NELL1: variants seen among roughly 807,000 people sequenced by gnomAD.
NELL1 encodes the protein neural EGFL like 1.
A neutral mutation model predicts 107.4 loss-of-function variants in NELL1; 76 were observed. That is an observed-to-expected ratio of 0.71 (90% CI 0.59 to 0.86). The LOEUF (loss-of-function observed/expected upper bound fraction) is 0.86, where lower values mean the gene tolerates loss of function less well. Among genes scored for constraint, NELL1 ranks in the 40% least tolerant of loss-of-function variants. NELL1 has a pLI of 0.00. For synonymous variants in NELL1, 353 were observed against 341.2 expected, an observed-to-expected ratio of 1.03 and a Z score of -0.38; for missense variants, 1,024 against 1,005.5, an observed-to-expected ratio of 1.02 and a Z score of -0.25.
chr11:20,974,772 A>G (rs1014607010), intron 12 of NELL1, among the ~76,000 whole-genome samples: 3 of 152,180 alleles, frequency 2.0e-5, no homozygotes, highest in Admixed American at 2.0e-4. Context: ...AGGCTTCAGT[A>G]TCTCTATTGG....
At chr11:20,871,153 T>A (rs1242143829) in intron 4 of NELL1, among the ~76,000 whole-genome samples, 1 of 152,208 alleles carries the variant, frequency 6.6e-6, no homozygotes, top group Non-Finnish European at 1.5e-5. Flanking sequence ...GCCCTTAATA[T>A]ATTAATTAAT....
intron 15 of NELL1, among the ~76,000 whole-genome samples, chr11:21,452,283 T>A (rs1291679190): frequency 6.6e-6 from 1 of 152,138 alleles, no homozygotes; most frequent in African/African-American, 2.4e-5. Flanking sequence ...CTGTCTGGTG[T>A]CTAATGTCTT....
At chr11:21,420,047 TGTGG>T (rs1360613390) in intron 15 of NELL1, among the ~76,000 whole-genome samples, 3 of 152,072 alleles carry the variant, frequency 2.0e-5, no homozygotes, top group Non-Finnish European at 4.4e-5. Context: ...TAGAGGTGCG[TGTGG>T]GTGTGTGTGT....
intron 2 of NELL1, among the ~76,000 whole-genome samples, chr11:20,755,558 T>TTTTTTTTTTA (rs1267991719): frequency 6.1e-5 from 1 of 16,432 alleles, no homozygotes; most frequent in African/African-American, 1.1e-4. Context: ...TTGTTTTTGT[T>TTTTTTTTTTA]TTTGTTTTTT....
chr11:20,691,270 T>C (rs1019025892), intron 2 of NELL1, among the ~76,000 whole-genome samples: 1 of 151,688 alleles, frequency 6.6e-6, no homozygotes, highest in Non-Finnish European at 1.5e-5. Flanking sequence ...TTGAATACCC[T>C]TTATTTCCTT....
intron 9 of NELL1, among the ~76,000 whole-genome samples, chr11:20,936,394 C>A (rs1223585228): frequency 1.3e-5 from 2 of 152,190 alleles, no homozygotes; most frequent in Non-Finnish European, 2.9e-5. Flanking sequence ...CCATGTACCA[C>A]AGCATCCACT....
chr11:21,413,086 A>G (rs1211913782), intron 15 of NELL1, among the ~76,000 whole-genome samples: 2 of 152,130 alleles, frequency 1.3e-5, no homozygotes, highest in Non-Finnish European at 2.9e-5. Context: ...GAGAAACTTT[A>G]TTAAACAACA....
At chr11:20,977,800 A>G (rs1851668753) in intron 12 of NELL1, among the ~76,000 whole-genome samples, 1 of 152,190 alleles carries the variant, frequency 6.6e-6, no homozygotes, top group Admixed American at 6.5e-5. Context: ...AAGTGAATAA[A>G]TAAATCCTAG....
intron 2 of NELL1, among the ~76,000 whole-genome samples, chr11:20,751,622 A>G (rs1383068303): frequency 6.7e-6 from 1 of 150,058 alleles, no homozygotes; most frequent in African/African-American, 2.5e-5. Context: ...GACTACAGAC[A>G]CATGCCACCA....
intron 2 of NELL1, among the ~76,000 whole-genome samples, chr11:20,771,785 C>T (rs181493847): frequency 7.9e-5 from 12 of 152,212 alleles, no homozygotes; most frequent in African/African-American, 1.9e-4. Context: ...TTTTTGCCCG[C>T]GGAGCCACAG....
At position 20,968,658 on chromosome 11, in the gene NELL1, A is replaced by G. The variant is rs148434091; in HGVS notation, c.1300+8098A>G. ...TAAAAAGATAATGGTTTTTCAAAAA[A>G]TCATTTTATCAGCTGTTTATAGAAA... On this transcript the variant is annotated intron_variant, in intron 12 of 19. Transcript: ENST00000357134. 5.7e-3 allele frequency among the ~76,000 whole-genome samples: 866 copies of G among 152,348 alleles called. 12 individuals carry two copies. Among genetic ancestry groups the G allele is most frequent in the African/African-American group, 0.02 (822 of 41,584 alleles).
intron 13 of NELL1, among the ~76,000 whole-genome samples, chr11:21,136,180 G>T (rs1855739928): frequency 6.6e-6 from 1 of 152,154 alleles, no homozygotes; most frequent in African/African-American, 2.4e-5. Flanking sequence ...GCCCTGAAAA[G>T]TTCTGTGAGA....
chr11:20,957,397 G>C (rs568843832), intron 11 of NELL1, among the ~76,000 whole-genome samples: 2 of 152,228 alleles, frequency 1.3e-5, no homozygotes, highest in South Asian at 4.1e-4. Context: ...AGTTCCCTCA[G>C]ACCCCTGACA....
Position 21,178,815 on chromosome 11 carries a change from A to T in NELL1, c.1427-50517A>T, listed in dbSNP as rs192514675. On this transcript the variant is annotated intron_variant, in intron 13 of 19. Coordinates refer to ENST00000357134, the MANE Select transcript of NELL1 (RefSeq NM_006157.5). ...GGTGCATTTAGTTAAATAAAATTTT[A>T]AAAAAGATTCAACTTAAAGGATATT... 2.2e-3 allele frequency among the ~76,000 whole-genome samples: 332 copies of T among 151,904 alleles called. 8 individuals are homozygous for T. The highest frequency in any genetic ancestry group is 7.7e-3 in the African/African-American group (319 of 41,196).
At chr11:21,212,693 A>C (rs1305476032) in intron 13 of NELL1, among the ~76,000 whole-genome samples, 2 of 152,174 alleles carry the variant, frequency 1.3e-5, no homozygotes, top group African/African-American at 2.4e-5. Flanking sequence ...GCAGCCCATC[A>C]GGGAACTGGA....
intron 15 of NELL1, among the ~76,000 whole-genome samples, chr11:21,528,744 C>G (rs1855922770): frequency 6.6e-6 from 1 of 152,134 alleles, no homozygotes; most frequent in Non-Finnish European, 1.5e-5. Flanking sequence ...AGATAAATAA[C>G]TTGCTCAAAG....
intron 12 of NELL1, among the ~76,000 whole-genome samples, chr11:21,017,165 G>A (rs1326144675): frequency 1.3e-5 from 2 of 152,006 alleles, no homozygotes; most frequent in South Asian, 2.1e-4. Flanking sequence ...AGCCAATGAC[G>A]GGCACTGGCA....
At chr11:21,129,053 A>T (rs1469512686) in intron 13 of NELL1, among the ~76,000 whole-genome samples, 1 of 152,128 alleles carries the variant, frequency 6.6e-6, no homozygotes, top group Admixed American at 6.5e-5. Flanking sequence ...TTTTATTTTG[A>T]CTATTCTTCT....
At chr11:20,822,280 G>A (rs1281766256) in intron 3 of NELL1, among the ~76,000 whole-genome samples, 13 of 152,210 alleles carry the variant, frequency 8.5e-5, no homozygotes, top group African/African-American at 2.9e-4. Flanking sequence ...TCAGGACTCA[G>A]AGAGCACTTG....
Sources: allele counts gnomAD v4.1 joint callset (sites outside exome capture counted in the v4.1 genomes callset), GRCh38; gene constraint gnomAD v4.1.1; transcripts MANE v1.5; gene names NCBI Gene and HGNC (gene_info 2026-07-23, HGNC 2026-07-21).